Variants in AGBL4 observed in about 807,000 individuals in gnomAD.
AGBL4 encodes cytosolic carboxypeptidase 6.
A neutral mutation model predicts 66.4 loss-of-function variants in AGBL4; 58 were observed. That is an observed-to-expected ratio of 0.87 (90% CI 0.71 to 1.09). AGBL4 has a LOEUF of 1.09. Among genes scored for constraint, AGBL4 ranks in the 50% least tolerant of loss-of-function variants. The probability of loss-of-function intolerance (pLI) is 0.00; values close to 1 mark genes in which losing one functional copy is unlikely to be tolerated. For synonymous variants in AGBL4, 234 were observed against 222.9 expected, an observed-to-expected ratio of 1.05 and a Z score of -0.44; for missense variants, 579 against 631.0, an observed-to-expected ratio of 0.92 and a Z score of 0.88.
intron 3 of AGBL4, among the ~76,000 whole-genome samples, chr1:49,655,519 C>T (rs892953534): frequency 6.6e-6 from 1 of 152,098 alleles, no homozygotes; most frequent in Admixed American, 6.6e-5. Context: ...AACAAAGACA[C>T]AACATACCAG....
intron 2 of AGBL4, among the ~76,000 whole-genome samples, chr1:49,850,074 C>T (rs1646267703): frequency 6.6e-6 from 1 of 152,170 alleles, no homozygotes; most frequent in Admixed American, 6.5e-5. Flanking sequence ...TACTACAATA[C>T]TGCGTAATGA....
At chr1:48,622,979 G>T (rs2148399082) in intron 9 of AGBL4, among the ~76,000 whole-genome samples, 1 of 152,288 alleles carries the variant, frequency 6.6e-6, no homozygotes, top group South Asian at 2.1e-4. Context: ...GTTGAATTGA[G>T]ATTTAAACGC....
intron 6 of AGBL4, among the ~76,000 whole-genome samples, chr1:48,747,206 C>G (rs1295339483): frequency 6.6e-6 from 1 of 152,100 alleles, no homozygotes; most frequent in Non-Finnish European, 1.5e-5. Context: ...TTTTAGGTAA[C>G]AAAAGAACTT....
chr1:49,269,829 C>T (rs1459650904), intron 3 of AGBL4, among the ~76,000 whole-genome samples: 1 of 152,102 alleles, frequency 6.6e-6, no homozygotes, highest in Non-Finnish European at 1.5e-5. Context: ...TCTGATTAAT[C>T]TGCCTTTTGT....
intron 4 of AGBL4, among the ~76,000 whole-genome samples, chr1:49,221,349 C>G (rs1649483098): frequency 6.6e-6 from 1 of 152,126 alleles, no homozygotes; most frequent in Non-Finnish European, 1.5e-5. Context: ...TTCAGAGGCA[C>G]TGAAGTCCTC....
chr1:48,528,685 C>T (rs916955940), downstream of AGBL4, among the ~76,000 whole-genome samples: 1 of 152,100 alleles, frequency 6.6e-6, no homozygotes, highest in Non-Finnish European at 1.5e-5. Context: ...CCCTGACCAG[C>T]ACACCACCTG....
intron 4 of AGBL4, among the ~76,000 whole-genome samples, chr1:49,115,600 G>A (rs1050500072): frequency 1.3e-5 from 2 of 152,126 alleles, no homozygotes; most frequent in African/African-American, 4.8e-5. Context: ...GAGAGAGAGA[G>A]AGAGGGAGAG....
chr1:49,205,456 T>C (rs1648056985), intron 4 of AGBL4, among the ~76,000 whole-genome samples: 1 of 152,044 alleles, frequency 6.6e-6, no homozygotes, highest in South Asian at 2.1e-4. Flanking sequence ...TCTGATTGAA[T>C]GTGTAAGCAA....
intron 3 of AGBL4, among the ~76,000 whole-genome samples, chr1:49,568,169 G>T (rs912537325): frequency 6.6e-6 from 1 of 151,750 alleles, no homozygotes; most frequent in African/African-American, 2.4e-5. Flanking sequence ...AAAAATAAAG[G>T]GCATCCAAAT....
intron 4 of AGBL4, among the ~76,000 whole-genome samples, chr1:49,113,034 C>A (rs897518356): frequency 2.0e-5 from 3 of 151,762 alleles, no homozygotes; most frequent in Admixed American, 6.6e-5. Context: ...TCACTGCGAG[C>A]TCTGCCTCCC....
chr1:49,936,706 T>C (rs1398646754), intron 1 of AGBL4, among the ~76,000 whole-genome samples: 1 of 152,166 alleles, frequency 6.6e-6, no homozygotes, highest in Non-Finnish European at 1.5e-5. Context: ...GAAAAGAATT[T>C]TCAACCCAGA....
At chr1:49,092,947 G>T (rs1645028243) in intron 4 of AGBL4, among the ~76,000 whole-genome samples, 1 of 152,042 alleles carries the variant, frequency 6.6e-6, no homozygotes, top group Non-Finnish European at 1.5e-5. Flanking sequence ...TTTAGGTTTT[G>T]GTTCTATTCA....
intron 2 of AGBL4, among the ~76,000 whole-genome samples, chr1:49,821,563 T>C (rs1295551810): frequency 6.6e-6 from 1 of 152,232 alleles, no homozygotes; most frequent in Non-Finnish European, 1.5e-5. Context: ...ACTGAGCTAC[T>C]GCTCTCTGTA....
At chr1:48,552,256 G>C (rs915946572) in intron 11 of AGBL4, among the ~76,000 whole-genome samples, 1 of 151,978 alleles carries the variant, frequency 6.6e-6, no homozygotes. Context: ...CAGAGACGAG[G>C]TTTCACCATG....
intron 4 of AGBL4, among the ~76,000 whole-genome samples, chr1:49,158,027 G>C (rs1325777232): frequency 6.6e-6 from 1 of 152,028 alleles, no homozygotes; most frequent in East Asian, 1.9e-4. Flanking sequence ...CCGTTCTGTA[G>C]GTTGCCTGTT....
chr1:49,873,249 C>T (rs552487503), intron 1 of AGBL4, among the ~76,000 whole-genome samples: 1 of 152,040 alleles, frequency 6.6e-6, no homozygotes, highest in East Asian at 1.9e-4. Context: ...GTACATGAGA[C>T]TTCACAACCT....
At chr1:49,265,058 A>G (rs1013520132) in intron 3 of AGBL4, among the ~76,000 whole-genome samples, 1 of 152,158 alleles carries the variant, frequency 6.6e-6, no homozygotes, top group African/African-American at 2.4e-5. Flanking sequence ...TTTCCTTAAA[A>G]TATTTTCATG....
At chr1:49,250,227 C>A (rs546972622) in intron 3 of AGBL4, among the ~76,000 whole-genome samples, 3 of 152,078 alleles carry the variant, frequency 2.0e-5, no homozygotes, top group Admixed American at 2.0e-4. Flanking sequence ...TTATAATGTT[C>A]CCAACACAGA....
chr1:49,981,393 T>C (rs1659045772), intron 1 of AGBL4, among the ~76,000 whole-genome samples: 1 of 152,172 alleles, frequency 6.6e-6, no homozygotes, highest in African/African-American at 2.4e-5. Flanking sequence ...TATATTTATA[T>C]GTCTTAAAGT....
Sources: gnomAD v4.1 joint callset for allele counts (sites outside exome capture counted in the v4.1 genomes callset) on GRCh38, gnomAD v4.1.1 for gene constraint, MANE v1.5 for transcripts, NCBI Gene and HGNC (gene_info 2026-07-23, HGNC 2026-07-21) for gene names.